THSD7B: variants seen among roughly 807,000 people sequenced by gnomAD.
The protein encoded by THSD7B is thrombospondin type-1 domain-containing protein 7B.
In THSD7B, 138 loss-of-function variants were observed where a neutral mutation model predicts 213.6. The ratio of observed to expected loss-of-function variants is 0.65; its 90% CI spans 0.56 to 0.74. The LOEUF is 0.74. Among genes scored for constraint, THSD7B ranks in the 30% least tolerant of loss-of-function variants. The probability of loss-of-function intolerance (pLI) is 0.00; values close to 1 mark genes in which losing one functional copy is unlikely to be tolerated. For synonymous variants in THSD7B, 742 were observed against 687.0 expected (o/e 1.08, Z -1.25); for missense variants, 1,931 against 1,991.5 (o/e 0.97, Z 0.58).
chr2:137,138,639 C>T (rs1326256637), intron 5 of THSD7B, among the ~76,000 whole-genome samples: 1 of 152,088 alleles, frequency 6.6e-6, no homozygotes, highest in Non-Finnish European at 1.5e-5. Flanking sequence ...TCATTCTCTC[C>T]AAAGATTACT....
At chr2:136,952,570 A>T (rs1372380731) in intron 2 of THSD7B, among the ~76,000 whole-genome samples, 1 of 151,922 alleles carries the variant, frequency 6.6e-6, no homozygotes, top group Non-Finnish European at 1.5e-5. Context: ...GAGTTATTAC[A>T]GTAAATCATC....
chr2:137,466,783 G>A (rs2105087192), intron 15 of THSD7B, among the ~76,000 whole-genome samples: 1 of 152,190 alleles, frequency 6.6e-6, no homozygotes, highest in East Asian at 1.9e-4. Flanking sequence ...ACTTCATATA[G>A]CAAGAAGTCC....
intron 12 of THSD7B, among the ~76,000 whole-genome samples, chr2:137,280,383 T>C (rs1391515036): frequency 1.3e-5 from 2 of 152,182 alleles, no homozygotes; most frequent in Non-Finnish European, 2.9e-5. Flanking sequence ...CTTTAGTCTT[T>C]TTCATTTGAA....
Position 137,655,362 on chromosome 2 carries a change from A to G in THSD7B, c.3946-139A>G, listed in dbSNP as rs902452502. 1.2e-5 allele frequency: 11 copies of G among 894,564 alleles called. No homozygotes were observed. In the African/African-American group the frequency reaches 1.9e-4, roughly 15 times the overall value. The allele number at this position is 894,564 out of a possible 1,614,324, so 55.4% of individuals were successfully genotyped here. On this transcript the variant is annotated intron_variant, in intron 21 of 27. Coordinates refer to ENST00000409968, the MANE Select transcript of THSD7B (RefSeq NM_001316349.2). ...GTTGCTCAGGGATGCTTTATTGTCA[A>G]CAATTGAGAGATAGCTCACAAGAAG...
At chr2:136,938,369 A>C (rs1218541330) in intron 2 of THSD7B, among the ~76,000 whole-genome samples, 1 of 152,110 alleles carries the variant, frequency 6.6e-6, no homozygotes, top group Non-Finnish European at 1.5e-5. Context: ...TAAACAATTA[A>C]ATTTAGTTTA....
intron 5 of THSD7B, among the ~76,000 whole-genome samples, chr2:137,130,896 T>G (rs1688717389): frequency 6.6e-6 from 1 of 150,880 alleles, no homozygotes; most frequent in Non-Finnish European, 1.5e-5. Flanking sequence ...ATATACCCAG[T>G]AATGGGATGG....
chr2:137,054,800 T>C (rs1687130589), intron 2 of THSD7B, among the ~76,000 whole-genome samples: 2 of 151,880 alleles, frequency 1.3e-5, no homozygotes, highest in South Asian at 4.2e-4. Flanking sequence ...TTCTGGGATA[T>C]GTGTGCTGAA....
intron 15 of THSD7B, among the ~76,000 whole-genome samples, chr2:137,530,964 C>T (rs973015760): frequency 6.6e-6 from 1 of 151,912 alleles, no homozygotes; most frequent in Non-Finnish European, 1.5e-5. Context: ...GATCAGTTCT[C>T]GAATATCTAA....
intron 3 of THSD7B, among the ~76,000 whole-genome samples, chr2:137,076,320 C>T (rs1243963331): frequency 6.6e-6 from 1 of 152,234 alleles, no homozygotes; most frequent in East Asian, 1.9e-4. Flanking sequence ...TCGCTGCCGC[C>T]TTGCAGTTTG....
intron 16 of THSD7B, among the ~76,000 whole-genome samples, chr2:137,571,435 C>T (rs115511920): frequency 6.6e-6 from 1 of 152,112 alleles, no homozygotes; most frequent in East Asian, 1.9e-4. Flanking sequence ...CATTTATATG[C>T]ATTTCTATAG....
intron 15 of THSD7B, among the ~76,000 whole-genome samples, chr2:137,527,394 A>T (rs531837055): frequency 1.3e-5 from 2 of 152,232 alleles, no homozygotes; most frequent in East Asian, 3.9e-4. Flanking sequence ...TGTCCTAAGG[A>T]AATACAGAAA....
At chr2:137,366,043 A>G (rs1317770688) in intron 12 of THSD7B, among the ~76,000 whole-genome samples, 1 of 151,608 alleles carries the variant, frequency 6.6e-6, no homozygotes, top group Non-Finnish European at 1.5e-5. Flanking sequence ...AATATACACC[A>G]TGGAATACTA....
At chr2:137,644,390 G>A (rs1682991591) in intron 21 of THSD7B, among the ~76,000 whole-genome samples, 1 of 152,082 alleles carries the variant, frequency 6.6e-6, no homozygotes, top group Non-Finnish European at 1.5e-5. Flanking sequence ...CTCATTCCAA[G>A]ATACTGTAAT....
chr2:137,644,480 CAT>C (rs1302086808), intron 21 of THSD7B, among the ~76,000 whole-genome samples: 1 of 152,082 alleles, frequency 6.6e-6, no homozygotes, highest in Non-Finnish European at 1.5e-5. Context: ...CCGAAAATGA[CAT>C]AAAGTAAAGC....
chr2:137,057,009 T>G lies in THSD7B; in HGVS notation c.729T>G (p.Leu243=), dbSNP rs755280938. The G allele has an allele frequency of 3.7e-6, 6 of 1,613,836 alleles. No individual in the cohort carries two copies. Among genetic ancestry groups the G allele is most frequent in the Non-Finnish European group, 4.2e-6 (5 of 1,179,878 alleles). The part of the protein sequence containing the change: ...PLGEEEYTFS[L]KVGPWSKCRL... ...GGGAAGAGGAATATACATTTAGCCTTAAGGTTGGACCATGGAGTAAATGCA... is the reference window on the plus strand; with the variant it reads ...GGGAAGAGGAATATACATTTAGCCTGAAGGTTGGACCATGGAGTAAATGCA... Residue 243 remains leucine (L), a synonymous_variant, in exon 3 of 28, where the codon CTT becomes CTG. Coordinates refer to ENST00000409968, the MANE Select transcript of THSD7B (RefSeq NM_001316349.2).
chr2:137,392,671 G>T (rs911942071), intron 12 of THSD7B, among the ~76,000 whole-genome samples: 4 of 151,896 alleles, frequency 2.6e-5, no homozygotes, highest in Non-Finnish European at 1.5e-5. Context: ...AGCAATATAT[G>T]GTTGGATCAT....
intron 17 of THSD7B, among the ~76,000 whole-genome samples, chr2:137,611,872 G>A (rs112587842): frequency 6.6e-6 from 1 of 152,240 alleles, no homozygotes; most frequent in Non-Finnish European, 1.5e-5. Context: ...GACAAGGTAT[G>A]ATCTCTTGAA....
In THSD7B at chr2:136,791,988, G is replaced by A. The variant is rs184147135; in HGVS notation, c.-36+26301G>A. On this transcript the variant is annotated intron_variant, in intron 1 of 27. Coordinates refer to ENST00000409968, the MANE Select transcript of THSD7B (RefSeq NM_001316349.2). ...TTTCCAAAGCATGATTTTACAATCC[G>A]ACCAGCAGTGTATGAGGGTTTCAAT... Among the ~76,000 whole-genome samples the A allele has an allele frequency of 7.9e-5, 12 of 152,048 alleles. No individual in the cohort carries two copies. In the East Asian group the frequency reaches 2.1e-3, roughly 27 times the overall value.
intron 7 of THSD7B, among the ~76,000 whole-genome samples, chr2:137,222,172 T>C (rs1441350168): frequency 2.0e-5 from 3 of 152,234 alleles, no homozygotes; most frequent in South Asian, 2.1e-4. Context: ...TATTATTTTC[T>C]ATTACCCACT....
Sources: gnomAD v4.1 joint callset for allele counts (sites outside exome capture counted in the v4.1 genomes callset) on GRCh38, gnomAD v4.1.1 for gene constraint, MANE v1.5 for transcripts, NCBI Gene and HGNC (gene_info 2026-07-23, HGNC 2026-07-21) for gene names.